The following VPS13D variants were observed in gnomAD, a reference collection of about 807,000 sequenced individuals.
The protein encoded by VPS13D is intermembrane lipid transfer protein VPS13D.
In VPS13D, 187 loss-of-function variants were observed where a neutral mutation model predicts 461.9. That is an observed-to-expected ratio of 0.40 (90% confidence interval 0.36 to 0.46). The LOEUF (loss-of-function observed/expected upper bound fraction) is 0.46. VPS13D is among the 20% of genes least tolerant of loss of function. VPS13D has a pLI of 0.60. For synonymous variants in VPS13D, 1,951 were observed against 1,986.3 expected, an observed-to-expected ratio of 0.98 and a Z score of 0.47; for missense variants, 4,711 against 5,364.9, an observed-to-expected ratio of 0.88 and a Z score of 3.81.
intron 13 of VPS13D, among the ~76,000 whole-genome samples, chr1:12,263,107 A>C (rs151084194): frequency 6.6e-6 from 1 of 152,172 alleles, no homozygotes; most frequent in Non-Finnish European, 1.5e-5. Context: ...GGCCTATAGC[A>C]CTATACCTCA....
chr1:12,268,491 A>G (rs921972962), intron 15 of VPS13D, among the ~76,000 whole-genome samples: 2 of 151,850 alleles, frequency 1.3e-5, no homozygotes, highest in Non-Finnish European at 2.9e-5. Context: ...TTTCCATGAT[A>G]TGGGAGCTAA....
rs201538186 is a variant in VPS13D, at chr1:12,348,791, A to G, written c.9070-32A>G. 7.1e-5 allele frequency: 114 copies of G among 1,608,326 alleles called. No homozygotes were observed. The South Asian group carries it at 8.1e-4, about 11-fold the overall frequency. ...GTATTTTATATGTTTTTTCAGAAAC[A>G]TAACTATTTTGTCTTTATCGCTCTT... On this transcript the variant is annotated intron_variant, in intron 44 of 69. Coordinates refer to ENST00000620676, the MANE Select transcript of VPS13D (RefSeq NM_015378.4).
intron 1 of VPS13D, 31 bp downstream of exon 1, chr1:12,230,151 G>A (rs1639912264): frequency 6.6e-6 from 1 of 152,028 alleles, no homozygotes. Flanking sequence ...TGCCGGGCGG[G>A]GCCAGGGTCG....
At chr1:12,335,029 GT>G (rs886598151) in intron 38 of VPS13D, among the ~76,000 whole-genome samples, 1 of 152,154 alleles carries the variant, frequency 6.6e-6, no homozygotes, top group African/African-American at 2.4e-5. Context: ...CACTGTAATT[GT>G]TTTTGTTAAC....
intron 46 of VPS13D, 37 bp from the exon 47 acceptor site, chr1:12,353,937 T>G (rs1186441667): frequency 6.3e-7 from 1 of 1,598,036 alleles, no homozygotes; most frequent in African/African-American, 1.3e-5. Flanking sequence ...AGTTCTTCAT[T>G]AAGTCTGATG....
At chr1:12,252,300 C>T (rs1375943923) in intron 6 of VPS13D, among the ~76,000 whole-genome samples, 2 of 152,124 alleles carry the variant, frequency 1.3e-5, no homozygotes, top group South Asian at 4.2e-4. Context: ...TAGCTAACTC[C>T]TCATCCCAAA....
At chr1:12,447,106 T>A (rs180784796) in intron 65 of VPS13D, among the ~76,000 whole-genome samples, 2 of 152,346 alleles carry the variant, frequency 1.3e-5, no homozygotes, top group Admixed American at 6.5e-5. Flanking sequence ...GATATTTGCA[T>A]GTAATTTTTC....
At position 12,497,640 on chromosome 1, in the gene VPS13D, G is replaced by C. The variant is rs746216997; in HGVS notation, c.12794+9G>C. On this transcript the variant is annotated intron_variant, in intron 68 of 69. Coordinates refer to ENST00000620676, the MANE Select transcript of VPS13D (RefSeq NM_015378.4). Reference sequence around the variant, plus strand: ...AACATACAGGACGAATTGTAAGTTAGAGCATGGGAAACCAGCCCTGTGGGT... The same window carrying C: ...AACATACAGGACGAATTGTAAGTTACAGCATGGGAAACCAGCCCTGTGGGT... The C allele has an allele frequency of 4.3e-6, 7 of 1,609,872 alleles. No homozygotes were observed. The African/African-American group carries it at 9.4e-5, about 22-fold the overall frequency.
intron 12 of VPS13D, among the ~76,000 whole-genome samples, chr1:12,261,460 A>C (rs1641106229): frequency 6.6e-6 from 1 of 152,248 alleles, no homozygotes; most frequent in Non-Finnish European, 1.5e-5. Flanking sequence ...GCAGTGTCCG[A>C]TATCTAGCCA....
At chr1:12,463,342 G>T (rs1044406403) in intron 67 of VPS13D, among the ~76,000 whole-genome samples, 1 of 152,176 alleles carries the variant, frequency 6.6e-6, no homozygotes, top group Non-Finnish European at 1.5e-5. Flanking sequence ...CCTTTATTGT[G>T]CAGAAAAAGC....
At chr1:12,257,902 A>C (rs762359833) in intron 9 of VPS13D, 33 bp from the exon 10 acceptor site, 2 of 1,610,742 alleles carry the variant, frequency 1.2e-6, no homozygotes, top group Non-Finnish European at 1.7e-6. Flanking sequence ...CTTTTGTTGT[A>C]AGAAGTGATT....
At chr1:12,252,357 C>G (rs1422117849) in intron 6 of VPS13D, among the ~76,000 whole-genome samples, 1 of 152,180 alleles carries the variant, frequency 6.6e-6, no homozygotes, top group African/African-American at 2.4e-5. Flanking sequence ...CGCACACATC[C>G]AGTGTTCCAG....
At chr1:12,325,290 C>T (rs1027175668) in intron 35 of VPS13D, among the ~76,000 whole-genome samples, 9 of 151,860 alleles carry the variant, frequency 5.9e-5, no homozygotes, top group Admixed American at 2.0e-4. Context: ...GACAGAGTCT[C>T]GCTCTCTTGC....
intron 50 of VPS13D, 114 bp downstream of exon 50, chr1:12,358,715 T>C (rs867428231): frequency 7.5e-7 from 1 of 1,341,066 alleles, no homozygotes; most frequent in African/African-American, 1.5e-5. Context: ...ATTTTCTTAT[T>C]TGGCATTGGG....
intron 53 of VPS13D, 27 bp from the exon 54 acceptor site, chr1:12,369,440 T>C (rs1025452644): frequency 1.2e-6 from 2 of 1,609,336 alleles, no homozygotes; most frequent in Admixed American, 1.7e-5. Context: ...ATGAAAGTCC[T>C]CTTTGTCCTC....
chr1:12,341,677 C>G (rs549338946), intron 40 of VPS13D, 103 bp from the exon 41 acceptor site: 1 of 969,020 alleles, frequency 1.0e-6, no homozygotes, highest in Non-Finnish European at 1.6e-6. Flanking sequence ...ACCTTCAGCC[C>G]CTTTGCACAA....
At chr1:12,239,710 A>G (rs1486795868) in intron 2 of VPS13D, among the ~76,000 whole-genome samples, 2 of 152,194 alleles carry the variant, frequency 1.3e-5, no homozygotes, top group African/African-American at 2.4e-5. Flanking sequence ...AACCTGGAGC[A>G]GCGGGAAGAG....
At chr1:12,296,246 T>C (rs957506999) in intron 24 of VPS13D, among the ~76,000 whole-genome samples, 4 of 152,184 alleles carry the variant, frequency 2.6e-5, no homozygotes, top group Non-Finnish European at 4.4e-5. Context: ...AGCCAGATCG[T>C]TTTCCAAAAC....
intron 5 of VPS13D, among the ~76,000 whole-genome samples, chr1:12,247,518 AAAAC>A (rs1640594966): frequency 6.6e-6 from 1 of 151,974 alleles, no homozygotes; most frequent in African/African-American, 2.4e-5. Flanking sequence ...AAACCCAAAA[AAAAC>A]AAAAACAAAA....
Sources: allele counts gnomAD v4.1 joint callset (sites outside exome capture counted in the v4.1 genomes callset), GRCh38; gene constraint gnomAD v4.1.1; transcripts MANE v1.5; gene names NCBI Gene and HGNC (gene_info 2026-07-23, HGNC 2026-07-21).